Variants in BIRC6 observed in about 807,000 individuals in gnomAD.
BIRC6 encodes dual E2 ubiquitin-conjugating enzyme/E3 ubiquitin-protein ligase BIRC6.
Under a neutral mutation model 503.3 loss-of-function variants are expected in BIRC6, and 98 were observed. That is an observed-to-expected ratio of 0.19 (90% CI 0.17 to 0.23). BIRC6 has a LOEUF of 0.23. Ranked by LOEUF, BIRC6 falls within the 10% of genes least tolerant of loss-of-function variation. The probability of loss-of-function intolerance (pLI) is 1.00; values close to 1 mark genes in which losing one functional copy is unlikely to be tolerated. For missense variants in BIRC6, 5,360 were observed against 5,806.0 expected (o/e 0.92, Z 2.50); for synonymous variants, 2,240 against 2,078.7 (o/e 1.08, Z -2.11).
In BIRC6 at chr2:32,395,591, T is replaced by C; in HGVS notation, c.1032T>C (p.Pro344=). The C allele has an allele frequency of 6.2e-7, 1 of 1,605,810 alleles. No individual in the cohort carries two copies. Among genetic ancestry groups the C allele is most frequent in the South Asian group, 1.1e-5 (1 of 90,902 alleles). ...CLVCWEPTDE[P]WSEHERHSPN... ...TTTGTTGGGAACCTACTGATGAACC[T>C]TGGTGAGTCTTGATGTTTCTGGGCA... The change falls in exon 6 of 74, where the codon CCT becomes CCC. Residue 344 remains proline (P), a splice_region_variant and synonymous_variant. Coordinates refer to ENST00000421745, the MANE Select transcript of BIRC6 (RefSeq NM_016252.4).
intron 23 of BIRC6, among the ~76,000 whole-genome samples, chr2:32,456,291 C>T (rs536724402): frequency 1.3e-5 from 2 of 152,228 alleles, no homozygotes; most frequent in South Asian, 4.1e-4. Flanking sequence ...TTTGGTTTGC[C>T]TTCTTTTCAA....
chr2:32,496,730 C>T (rs532501803), intron 45 of BIRC6, among the ~76,000 whole-genome samples: 1 of 151,900 alleles, frequency 6.6e-6, no homozygotes, highest in South Asian at 2.1e-4. Flanking sequence ...ATTGATTTTC[C>T]AGAAAAAAAT....
chr2:32,585,195 G>A (rs1310093779), intron 66 of BIRC6, among the ~76,000 whole-genome samples: 1 of 152,102 alleles, frequency 6.6e-6, no homozygotes. Flanking sequence ...GACAACCTGT[G>A]AAAAGATGTT....
At position 32,464,549 on chromosome 2, in the gene BIRC6, C is replaced by T. The variant is rs1262534045; in HGVS notation, c.4982C>T (p.Ala1661Val). ...GCCAAGTTACATCAGACAACAGCTG[C>T]AGCAGCTGCAGCAGCATCAGCAGTA... is the stretch of plus-strand genomic sequence containing the variant. ...LEAKLHQTTA[A>V]AAAAASAVGP... The change falls in exon 25 of 74, where the codon GCA (alanine) becomes GTA (valine). Residue 1661 changes from alanine to valine, a missense_variant. Physicochemically the swap from Ala to Val is moderately conservative, Grantham distance 64 (BLOSUM62 0). Around this residue, in one of 16 missense-constraint regions of BIRC6, gnomAD observed 2,299 missense variants for 2,267.2 expected, o/e 1.01. Coordinates refer to ENST00000421745, the MANE Select transcript of BIRC6 (RefSeq NM_016252.4). 6.3e-7 allele frequency: 1 copy of T among 1,596,918 alleles called. No homozygotes were observed. The highest frequency in any genetic ancestry group is 2.3e-5 in the East Asian group (1 of 44,370).
rs773566854 is a variant in BIRC6 at position 32,599,771 on chromosome 2, T to C, written c.13863T>C (p.Tyr4621=). ...VLITGPADTP[Y]ANGCFEFDVY... ...TAACTGGTCCAGCGGACACCCCTTA[T>C]GCAAATGGCTGCTTTGAGTTTGATG... The change falls in exon 70 of 74, where the codon TAT becomes TAC. Residue 4621 remains tyrosine (Y), a synonymous_variant. Transcript: ENST00000421745. 1.2e-6 allele frequency: 2 copies of C among 1,613,966 alleles called. No homozygotes were observed. The highest frequency in any genetic ancestry group is 1.1e-5 in the South Asian group (1 of 91,086).
At chr2:32,373,464 C>T (rs1573729210) in intron 1 of BIRC6, among the ~76,000 whole-genome samples, 1 of 152,136 alleles carries the variant, frequency 6.6e-6, no homozygotes, top group South Asian at 2.1e-4. Flanking sequence ...GCAAGGAGGC[C>T]AAGACCATTC....
rs1014638823 is a variant in BIRC6 at position 32,404,220 on chromosome 2, C to T, written c.1419-2279C>T. Among the ~76,000 whole-genome samples the T allele has an allele frequency of 1.1e-4, 17 of 151,152 alleles. No homozygotes were observed. In the South Asian group the frequency reaches 2.9e-3, roughly 26 times the overall value. On this transcript the variant is annotated intron_variant, in intron 8 of 73. Coordinates refer to ENST00000421745, the MANE Select transcript of BIRC6 (RefSeq NM_016252.4). ...GCTGGGATTACAGGCGTGAGCACCA[C>T]GCCCAGCCGCATGTGATTTTTTAAA...
At chr2:32,419,577 A>G (rs2150087066) in intron 10 of BIRC6, among the ~76,000 whole-genome samples, 1 of 152,314 alleles carries the variant, frequency 6.6e-6, no homozygotes, top group South Asian at 2.1e-4. Context: ...GAAGACTAAG[A>G]TGTATCAGTG....
chr2:32,569,008 G>A (rs1256733987), intron 65 of BIRC6, among the ~76,000 whole-genome samples: 2 of 145,268 alleles, frequency 1.4e-5, no homozygotes, highest in Admixed American at 6.9e-5. Flanking sequence ...TTTTGAGATG[G>A]AGTCTCCCTC....
chr2:32,523,786 G>A (rs913610387), intron 57 of BIRC6, among the ~76,000 whole-genome samples: 1 of 152,194 alleles, frequency 6.6e-6, no homozygotes, highest in Non-Finnish European at 1.5e-5. Context: ...AGATGCAGTG[G>A]CTCATGCCTG....
intron 72 of BIRC6, among the ~76,000 whole-genome samples, chr2:32,608,720 C>G (rs1350536764): frequency 6.6e-6 from 1 of 151,806 alleles, no homozygotes; most frequent in Non-Finnish European, 1.5e-5. Flanking sequence ...CCGGCCTATT[C>G]TTTATTTTTA....
rs1477825291 is a variant in BIRC6, at chr2:32,416,239, T to C, written c.2872+76T>C. The C allele has an allele frequency of 4.3e-6, 6 of 1,381,086 alleles. No homozygotes were observed. In the African/African-American group the frequency reaches 7.3e-5, roughly 17 times the overall value. 85.6% of individuals were successfully genotyped at this position (1,381,086 alleles called of 1,614,324 possible). ...CATTTGTTTATGTGCAAACCTAGTA[T>C]GAATTTTAGGTTCAAATAGATGGGG... On this transcript the variant is annotated intron_variant, in intron 10 of 73. Coordinates refer to ENST00000421745, the MANE Select transcript of BIRC6 (RefSeq NM_016252.4).
intron 65 of BIRC6, chr2:32,563,665 C>T (rs1052699773): frequency 5.3e-5 from 8 of 152,072 alleles, no homozygotes; most frequent in Admixed American, 1.3e-4. Flanking sequence ...GTTGATAATT[C>T]GGTACCCTTC....
chr2:32,575,313 T>A lies in BIRC6; in HGVS notation c.13302T>A (p.Gly4434=). 1 of 1,614,022 alleles carries A rather than the reference T, an allele frequency of 6.2e-7. No individual in the cohort carries two copies. The highest frequency in any genetic ancestry group is 8.5e-7 in the Non-Finnish European group (1 of 1,179,888). Residue 4434 remains glycine, a synonymous_variant, in exon 66 of 74, where the codon GGT becomes GGA. Coordinates refer to ENST00000421745, the MANE Select transcript of BIRC6 (RefSeq NM_016252.4). The part of the protein sequence containing the change: ...EEQSECQTSV[G]TLLAKMKTCV... Reference sequence around the variant, plus strand: ...AGTCAGAATGTCAAACTTCTGTTGGTACATTGTTAGCCAAAATGAAGACCT... The same window carrying A: ...AGTCAGAATGTCAAACTTCTGTTGGAACATTGTTAGCCAAAATGAAGACCT...
At chr2:32,451,016 A>G (rs1408418104) in intron 22 of BIRC6, among the ~76,000 whole-genome samples, 1 of 152,186 alleles carries the variant, frequency 6.6e-6, no homozygotes, top group African/African-American at 2.4e-5. Flanking sequence ...GTGTATGTCA[A>G]GTTTGCTCAC....
intron 65 of BIRC6, among the ~76,000 whole-genome samples, chr2:32,573,789 G>A (rs1006151047): frequency 6.6e-6 from 1 of 151,918 alleles, no homozygotes; most frequent in African/African-American, 2.4e-5. Context: ...ATAGACTCTG[G>A]ATAAATTGCA....
intron 22 of BIRC6, among the ~76,000 whole-genome samples, chr2:32,453,087 T>C (rs897546550): frequency 4.7e-5 from 7 of 150,534 alleles, no homozygotes; most frequent in African/African-American, 1.5e-4. Flanking sequence ...AAAAAAAAAA[T>C]TGCAAAGTAG....
Position 32,369,926 on chromosome 2 carries a change from T to TAAA in BIRC6, c.326-7644_326-7642dup, listed in dbSNP as rs756693528. On this transcript the variant is annotated intron_variant, in intron 1 of 73. Transcript: ENST00000421745. ...GGCAACATAGTGAGACCCTGTCTCT[T>TAAA]AAAAAAAAAAAAAAAAAAAATATAT... 2.1e-3 allele frequency among the ~76,000 whole-genome samples: 78 copies of TAAA among 37,736 alleles called. 3 individuals carry two copies. Among genetic ancestry groups the TAAA allele is most frequent in the Middle Eastern group, 0.02 (1 of 50 alleles). 24.8% of individuals were successfully genotyped at this position (37,736 alleles called of 152,430 possible).
intron 65 of BIRC6, 30 bp downstream of exon 65, chr2:32,549,511 A>G (rs767859309): frequency 7.4e-7 from 1 of 1,344,228 alleles, no homozygotes. Flanking sequence ...GTGTCTGTGG[A>G]TGAATAATTT....
Sources: allele counts gnomAD v4.1 joint callset (sites outside exome capture counted in the v4.1 genomes callset), GRCh38; gene constraint gnomAD v4.1.1; regional missense constraint gnomAD v4.1.1; transcripts MANE v1.5; gene names NCBI Gene and HGNC (gene_info 2026-07-23, HGNC 2026-07-21).